Variants in ABCA1 observed in about 807,000 individuals in gnomAD.
ABCA1 encodes the protein ATP binding cassette subfamily A member 1, also known as phospholipid-transporting ATPase ABCA1.
Under a neutral mutation model 262.5 loss-of-function variants are expected in ABCA1, and 133 were observed. That is an observed-to-expected ratio of 0.51 (90% CI 0.44 to 0.59). ABCA1 has a LOEUF of 0.59. Ranked by LOEUF, ABCA1 falls within the 20% of genes least tolerant of loss-of-function variation. The probability of loss-of-function intolerance (pLI) is 0.00; values close to 1 mark genes in which losing one functional copy is unlikely to be tolerated. For missense variants in ABCA1, 2,452 were observed against 2,777.5 expected (o/e 0.88, Z 2.63); for synonymous variants, 1,022 against 1,043.5 (o/e 0.98, Z 0.40).
intron 6 of ABCA1, among the ~76,000 whole-genome samples, chr9:104,860,632 G>A (rs917670585): frequency 6.6e-6 from 1 of 152,034 alleles, no homozygotes; most frequent in Non-Finnish European, 1.5e-5. Flanking sequence ...AACCATGCAA[G>A]CTGGGTCTGG....
At chr9:104,866,151 C>T (rs1319662835) in intron 5 of ABCA1, among the ~76,000 whole-genome samples, 1 of 152,068 alleles carries the variant, frequency 6.6e-6, no homozygotes, top group Non-Finnish European at 1.5e-5. Flanking sequence ...TAATGCTATG[C>T]ACATAGTAGA....
At chr9:104,795,112 G>C (rs553247532) in intron 39 of ABCA1, among the ~76,000 whole-genome samples, 1 of 152,360 alleles carries the variant, frequency 6.6e-6, no homozygotes, top group African/African-American at 2.4e-5. Flanking sequence ...TAAGGACTCT[G>C]AGAGCACAGA....
Position 104,793,251 on chromosome 9 carries a change from G to C in ABCA1, c.5556C>G (p.Asn1852Lys). 6.2e-7 allele frequency: 1 copy of C among 1,614,038 alleles called. No homozygotes were observed. The highest frequency in any genetic ancestry group is 1.1e-5 in the South Asian group (1 of 91,078). ...SPLSWDLVGRNLFAMAVEGVV... is the reference protein window; with the variant it reads ...SPLSWDLVGRKLFAMAVEGVV... The stretch of plus-strand genomic sequence containing the variant: ...CCCCTTCCACGGCCATGGCGAAGAG[G>C]TTTCGTCCCACCAAGTCCCAAGATA... Residue 1852 changes from asparagine (N) to lysine (K), a missense_variant, in exon 41 of 50, where the codon AAC becomes AAG. By Grantham distance (94) the Asn-to-Lys change is moderately conservative. This residue lies in a region of ABCA1 where 752 missense variants were observed against 944.5 expected (regional missense o/e 0.80). Transcript: ENST00000374736.
intron 23 of ABCA1, 57 bp downstream of exon 23, chr9:104,818,606 C>G (rs1831991282): frequency 6.6e-7 from 1 of 1,525,334 alleles, no homozygotes; most frequent in Non-Finnish European, 9.1e-7. Flanking sequence ...CATTCACAGC[C>G]AGCAAGTCCT....
intron 37 of ABCA1, among the ~76,000 whole-genome samples, chr9:104,797,717 T>C (rs1336892548): frequency 1.3e-5 from 2 of 152,242 alleles, no homozygotes; most frequent in Non-Finnish European, 2.9e-5. Flanking sequence ...CTTCGGAGGT[T>C]ACAAGGTGTA....
intron 36 of ABCA1, 79 bp from the exon 37 acceptor site, chr9:104,798,677 G>T: frequency 8.0e-7 from 1 of 1,257,826 alleles, no homozygotes; most frequent in Non-Finnish European, 1.1e-6. Context: ...TGGACACACA[G>T]ACAAACACAC....
At chr9:104,799,130 GGGTCTT>G (rs1830127260) in intron 36 of ABCA1, among the ~76,000 whole-genome samples, 1 of 152,070 alleles carries the variant, frequency 6.6e-6, no homozygotes, top group Non-Finnish European at 1.5e-5. Flanking sequence ...CCATTACATG[GGGTCTT>G]GGTATAAAGA....
chr9:104,795,784 A>C (rs1829844843), intron 39 of ABCA1, among the ~76,000 whole-genome samples: 1 of 152,238 alleles, frequency 6.6e-6, no homozygotes, highest in African/African-American at 2.4e-5. Context: ...TGGAAGGCAG[A>C]GGAGCTACTC....
In ABCA1 at chr9:104,812,611, AG is replaced by A; in HGVS notation, c.4012del (p.Leu1338Ter). On this transcript the variant is annotated frameshift_variant, in exon 28 of 50. Coordinates refer to ENST00000374736, the MANE Select transcript of ABCA1 (RefSeq NM_005502.4). LOFTEE classifies it high-confidence loss of function. ...QFVALLWKRL[L>X]IARRSRKGFF... ...TCCTTTCCGACTCCGTCTGGCAATT[AG>A]CAGTCTCTTCCACAAAAGGGCCACA... 1 of 1,614,226 alleles carries A rather than the reference AG, an allele frequency of 6.2e-7. No individual in the cohort carries two copies. The highest frequency in any genetic ancestry group is 8.5e-7 in the Non-Finnish European group (1 of 1,180,036).
intron 9 of ABCA1, among the ~76,000 whole-genome samples, chr9:104,839,777 T>C (rs1467386146): frequency 6.6e-6 from 1 of 152,210 alleles, no homozygotes; most frequent in African/African-American, 2.4e-5. Context: ...AGTTGCCTTT[T>C]TTGTGTAGTG....
At chr9:104,911,048 C>T (rs1841465433) in intron 1 of ABCA1, among the ~76,000 whole-genome samples, 3 of 152,104 alleles carry the variant, frequency 2.0e-5, no homozygotes, top group South Asian at 4.2e-4. Context: ...ATGTCTTTTT[C>T]GTAATTGAGG....
intron 49 of ABCA1, 55 bp downstream of exon 49, chr9:104,785,341 C>T (rs1331924): frequency 1.9e-5 from 30 of 1,608,342 alleles, no homozygotes; most frequent in East Asian, 6.7e-5. Flanking sequence ...GCGGGAGTGT[C>T]GGGGCAGGAA....
chr9:104,791,086 C>G (rs565003517), intron 43 of ABCA1, 58 bp from the exon 44 acceptor site: 1 of 1,218,242 alleles, frequency 8.2e-7, no homozygotes, highest in East Asian at 2.3e-5. Context: ...TATAAATGCC[C>G]CTAACACGTA....
At chr9:104,811,542 T>G (rs78634827) in intron 28 of ABCA1, among the ~76,000 whole-genome samples, 1 of 152,194 alleles carries the variant, frequency 6.6e-6, no homozygotes, top group South Asian at 2.1e-4. Flanking sequence ...CTCCTAAGAC[T>G]TTCTACCATA....
intron 7 of ABCA1, among the ~76,000 whole-genome samples, chr9:104,846,655 T>C (rs1198641392): frequency 6.6e-6 from 1 of 152,196 alleles, no homozygotes; most frequent in Admixed American, 6.5e-5. Flanking sequence ...TAATCCTCAA[T>C]GTGCATTTCT....
At chr9:104,832,819 T>G in intron 11 of ABCA1, 48 bp from the exon 12 acceptor site, 1 of 1,570,622 alleles carries the variant, frequency 6.4e-7, no homozygotes, top group Non-Finnish European at 8.8e-7. Flanking sequence ...AACTAAATCT[T>G]GAGGAGCACT....
At chr9:104,800,621 TCA>T (rs1212061436) in intron 34 of ABCA1, 37 bp from the exon 35 acceptor site, 3 of 1,597,522 alleles carry the variant, frequency 1.9e-6, no homozygotes, top group African/African-American at 2.7e-5. Flanking sequence ...TTGTGACTGT[TCA>T]CATAGATAAG....
rs550186218 is a variant in ABCA1 at position 104,892,690 on chromosome 9, G to A, written c.67-3495C>T. 2.6e-5 allele frequency among the ~76,000 whole-genome samples: 4 copies of A among 152,140 alleles called. No individual in the cohort carries two copies. In the South Asian group the frequency reaches 6.2e-4, roughly 24 times the overall value. On this transcript the variant is annotated intron_variant, in intron 2 of 49. Coordinates refer to ENST00000374736, the MANE Select transcript of ABCA1 (RefSeq NM_005502.4). The stretch of plus-strand genomic sequence containing the variant: ...AGCTGGTTTAAAAGATAATGAACAC[G>A]GAAATATAAATCAGTTGAGCCCTTT...
At chr9:104,903,276 G>C (rs145520385) in intron 2 of ABCA1, among the ~76,000 whole-genome samples, 52 of 152,272 alleles carry the variant, frequency 3.4e-4, no homozygotes, top group African/African-American at 1.2e-3. Context: ...GGCCCATTAG[G>C]GGCTTTTGGA....
Sources: allele counts gnomAD v4.1 joint callset (sites outside exome capture counted in the v4.1 genomes callset), GRCh38; gene constraint gnomAD v4.1.1; regional missense constraint gnomAD v4.1.1; transcripts MANE v1.5; gene names NCBI Gene and HGNC (gene_info 2026-07-23, HGNC 2026-07-21).